Variants in KIAA0319L observed in about 807,000 individuals in gnomAD.
The protein encoded by KIAA0319L is KIAA0319 like, also known as dyslexia-associated protein KIAA0319-like protein.
In KIAA0319L, 55 loss-of-function variants were observed where a neutral mutation model predicts 120.1. The observed-to-expected ratio is 0.46, with a 90% CI of 0.37 to 0.57. KIAA0319L has a LOEUF of 0.57. Ranked by LOEUF, KIAA0319L falls within the 20% of genes least tolerant of loss-of-function variation. The pLI, the probability that KIAA0319L is intolerant of heterozygous loss-of-function variation, is 0.00. For synonymous variants in KIAA0319L, 398 were observed against 471.9 expected, an observed-to-expected ratio of 0.84 and a Z score of 2.03; for missense variants, 1,049 against 1,255.3, an observed-to-expected ratio of 0.84 and a Z score of 2.48.
intron 3 of KIAA0319L, among the ~76,000 whole-genome samples, chr1:35,500,906 A>G (rs1354428945): frequency 6.6e-6 from 1 of 152,150 alleles, no homozygotes; most frequent in Non-Finnish European, 1.5e-5. Context: ...GGTCAAATAT[A>G]ACTTATCTGG....
At chr1:35,456,385 T>G in intron 9 of KIAA0319L, 144 bp from the exon 10 acceptor site, 2 of 575,972 alleles carry the variant, frequency 3.5e-6, no homozygotes, top group Non-Finnish European at 6.1e-6. Context: ...AAGCAGAAAG[T>G]ACTACTAGAA....
chr1:35,450,130 G>T, intron 14 of KIAA0319L, 125 bp from the exon 15 acceptor site: 1 of 1,196,658 alleles, frequency 8.4e-7, no homozygotes, highest in Non-Finnish European at 1.2e-6. Context: ...GGCAGTTCCT[G>T]ATACGGAACA....
In KIAA0319L at chr1:35,506,469, AAAG is replaced by A. The variant is rs953278653; in HGVS notation, c.666+140_666+142del. On this transcript the variant is annotated intron_variant, in intron 3 of 20. Coordinates refer to ENST00000325722, the MANE Select transcript of KIAA0319L (RefSeq NM_024874.5). The surrounding 1 kb of genome is among the most constrained non-coding windows in gnomAD (Gnocchi z 4.0). ...ACCCTTTGTACATCTGGGCAGCACC[AAAG>A]AAGCTGACACCAAGCAGCTTTATAT... 6.6e-6 allele frequency: 5 copies of A among 753,688 alleles called. No homozygotes were observed. In the African/African-American group the frequency reaches 8.7e-5, roughly 13 times the overall value. The allele number at this position is 753,688 out of a possible 1,614,324, so 46.7% of individuals were successfully genotyped here. A position where few individuals can be genotyped will look rare whatever the true frequency, so the allele number is the denominator to read the frequency against.
intron 2 of KIAA0319L, among the ~76,000 whole-genome samples, chr1:35,515,733 CA>C (rs889849785): frequency 1.3e-5 from 2 of 151,156 alleles, no homozygotes; most frequent in East Asian, 1.9e-4. Context: ...AATCAAGACA[CA>C]AAAAAAATTC....
chr1:35,512,289 T>C lies in KIAA0319L; in HGVS notation c.143-5154A>G, dbSNP rs1266960641. Among the ~76,000 whole-genome samples, 8 of 75,566 alleles carry C rather than the reference T, an allele frequency of 1.1e-4. No individual in the cohort carries two copies. The East Asian group carries it at 3.2e-3, about 30-fold the overall frequency. 49.6% of individuals were successfully genotyped at this position (75,566 alleles called of 152,430 possible). Reference sequence around the variant, plus strand: ...TCTCAAAAAAAATAAATAAATAAAATAAAATAAAAAGATCTGGAAAAATAA... The same window carrying C: ...TCTCAAAAAAAATAAATAAATAAAACAAAATAAAAAGATCTGGAAAAATAA... On this transcript the variant is annotated intron_variant, in intron 2 of 20. Coordinates refer to ENST00000325722, the MANE Select transcript of KIAA0319L (RefSeq NM_024874.5).
intron 2 of KIAA0319L, among the ~76,000 whole-genome samples, chr1:35,550,947 T>A (rs1255165587): frequency 1.3e-5 from 2 of 152,228 alleles, no homozygotes; most frequent in African/African-American, 4.8e-5. Context: ...CTCCTATAAT[T>A]AAGCAGGTTT....
chr1:35,502,369 G>C (rs962186316), intron 3 of KIAA0319L, among the ~76,000 whole-genome samples: 1 of 151,342 alleles, frequency 6.6e-6, no homozygotes, highest in Non-Finnish European at 1.5e-5. Context: ...AAAGGGTTCT[G>C]AATGGTACCT....
Position 35,443,004 on chromosome 1 carries a change from T to C in KIAA0319L, c.2681A>G (p.His894Arg). The change falls in exon 18 of 21, where the codon CAT (histidine) becomes CGT (arginine). Residue 894 changes from histidine to arginine, a missense_variant. Coordinates refer to ENST00000325722, the MANE Select transcript of KIAA0319L (RefSeq NM_024874.5). ...TVTCQLNCSD[H>R]GHCDSFTKRC... ...TTTGGTGAACGAGTCACAGTGGCCA[T>C]GGTCGGAACAGTTCAGCTGACATGC... 10 of 1,614,174 alleles carry C rather than the reference T, an allele frequency of 6.2e-6. No individual in the cohort carries two copies. The highest frequency in any genetic ancestry group is 1.1e-5 in the South Asian group (1 of 91,084).
Position 35,448,154 on chromosome 1 carries a change from C to G in KIAA0319L, c.2513+19G>C, listed in dbSNP as rs751315305. 4.5e-6 allele frequency: 7 copies of G among 1,565,788 alleles called. No individual in the cohort carries two copies. Among genetic ancestry groups the G allele is most frequent in the African/African-American group, 2.7e-5 (2 of 73,290 alleles). ...GCCCCTGGTCTTTCCTTTGCTCCCCCCATTCATTGCCCAGCTACCTCTGCT... is the reference window on the plus strand; with the variant it reads ...GCCCCTGGTCTTTCCTTTGCTCCCCGCATTCATTGCCCAGCTACCTCTGCT... On this transcript the variant is annotated intron_variant, in intron 16 of 20. Coordinates refer to ENST00000325722, the MANE Select transcript of KIAA0319L (RefSeq NM_024874.5).
chr1:35,457,269 C>T (rs770240926), intron 9 of KIAA0319L, among the ~76,000 whole-genome samples: 1 of 152,008 alleles, frequency 6.6e-6, no homozygotes, highest in Non-Finnish European at 1.5e-5. Flanking sequence ...AATTCTTAGT[C>T]CCTATTCCCG....
At chr1:35,485,765 AC>A (rs1644363103) in intron 3 of KIAA0319L, among the ~76,000 whole-genome samples, 1 of 151,676 alleles carries the variant, frequency 6.6e-6, no homozygotes, top group Admixed American at 6.6e-5. Context: ...CATTAAGTCT[AC>A]CCCCTCTGGC....
chr1:35,547,352 G>A (rs1362365797), intron 2 of KIAA0319L, among the ~76,000 whole-genome samples: 1 of 150,166 alleles, frequency 6.7e-6, no homozygotes, highest in African/African-American at 2.4e-5. Context: ...TCCAGCAATT[G>A]TACTATTTAT....
chr1:35,485,099 G>A (rs1644337707), intron 3 of KIAA0319L, among the ~76,000 whole-genome samples: 1 of 151,464 alleles, frequency 6.6e-6, no homozygotes, highest in Admixed American at 6.6e-5. Context: ...CCCTGAGCAT[G>A]GGTTACACCT....
chr1:35,443,765 G>A (rs190839701), intron 17 of KIAA0319L, among the ~76,000 whole-genome samples: 1 of 152,146 alleles, frequency 6.6e-6, no homozygotes, highest in Admixed American at 6.5e-5. Flanking sequence ...TTGAAGTAGT[G>A]ATAAGTAAAA....
chr1:35,458,301 C>T (rs945654811), intron 9 of KIAA0319L, among the ~76,000 whole-genome samples: 10 of 152,108 alleles, frequency 6.6e-5, no homozygotes, highest in African/African-American at 9.7e-5. Context: ...TATAGACAGA[C>T]GGCAAAATGG....
chr1:35,451,810 C>T (rs1192671281), intron 12 of KIAA0319L, 34 bp from the exon 13 acceptor site: 1 of 1,610,658 alleles, frequency 6.2e-7, no homozygotes, highest in Non-Finnish European at 8.5e-7. Flanking sequence ...TAGAGTTGTA[C>T]CTGTCTGCTG....
chr1:35,438,207 T>C (rs562287309), intron 20 of KIAA0319L, among the ~76,000 whole-genome samples: 2 of 152,350 alleles, frequency 1.3e-5, no homozygotes, highest in Admixed American at 1.3e-4. Flanking sequence ...TCTTTCATTC[T>C]CATTCCCTCA....
chr1:35,555,113 C>A (rs779376508), intron 1 of KIAA0319L: 6 of 152,154 alleles, frequency 3.9e-5, no homozygotes, highest in Non-Finnish European at 8.8e-5. Flanking sequence ...CAGATACTTA[C>A]GTCAGGCACT....
In KIAA0319L at chr1:35,450,271, G is replaced by A. The variant is rs532106507; in HGVS notation, c.2214+87C>T. On this transcript the variant is annotated intron_variant, in intron 14 of 20. Transcript: ENST00000325722. Reference sequence around the variant, plus strand: ...GAGAACAATCTGGGTTTGATATAAGGGACCACTTGATTAAAGCATATACTG... The same window carrying A: ...GAGAACAATCTGGGTTTGATATAAGAGACCACTTGATTAAAGCATATACTG... 19 of 1,375,508 alleles carry A rather than the reference G, an allele frequency of 1.4e-5. No homozygotes were observed. The Admixed American group carries it at 3.9e-4, about 28-fold the overall frequency. The allele number at this position is 1,375,508 out of a possible 1,614,324, so 85.2% of individuals were successfully genotyped here.
Sources: allele counts gnomAD v4.1 joint callset (sites outside exome capture counted in the v4.1 genomes callset), GRCh38; gene constraint gnomAD v4.1.1; non-coding constraint Gnocchi (gnomAD v3.1); transcripts MANE v1.5; gene names NCBI Gene and HGNC (gene_info 2026-07-23, HGNC 2026-07-21).